Variants in TYW1B observed in about 807,000 individuals in gnomAD.
TYW1B encodes tRNA-yW synthesizing protein 1 homolog B.
In TYW1B, 73 loss-of-function variants were observed where a neutral mutation model predicts 86.9. The observed-to-expected ratio is 0.84, with a 90% CI of 0.70 to 1.02. The LOEUF is 1.02. Ranked by LOEUF, TYW1B falls within the 50% of genes least tolerant of loss-of-function variation. The pLI, the probability that TYW1B is intolerant of heterozygous loss-of-function variation, is 0.00. For missense variants in TYW1B, 637 were observed against 827.4 expected (o/e 0.77, Z 2.82); for synonymous variants, 248 against 292.8 (o/e 0.85, Z 1.56).
intron 13 of TYW1B, among the ~76,000 whole-genome samples, chr7:72,605,303 T>C (rs745736505): frequency 6.6e-6 from 1 of 152,088 alleles, no homozygotes; most frequent in Non-Finnish European, 1.5e-5. Flanking sequence ...AATGTAAATA[T>C]TCAACTGATG....
At chr7:72,617,655 C>G (rs1812109975) in intron 12 of TYW1B, among the ~76,000 whole-genome samples, 1 of 152,232 alleles carries the variant, frequency 6.6e-6, no homozygotes, top group Non-Finnish European at 1.5e-5. Flanking sequence ...GTGTGAGCCA[C>G]TACACCTGGC....
chr7:72,610,951 T>G (rs1554435802), intron 13 of TYW1B, among the ~76,000 whole-genome samples: 1 of 152,164 alleles, frequency 6.6e-6, no homozygotes, highest in Non-Finnish European at 1.5e-5. Context: ...ACATTTAGGA[T>G]GCCATTCAAT....
At chr7:72,742,310 C>T (rs1365761419) in intron 8 of TYW1B, among the ~76,000 whole-genome samples, 2 of 151,994 alleles carry the variant, frequency 1.3e-5, no homozygotes, top group Non-Finnish European at 2.9e-5. Context: ...TTGCATGTTT[C>T]GTAGAGACAA....
chr7:72,751,482 A>G (rs1193310328), intron 7 of TYW1B, among the ~76,000 whole-genome samples: 3 of 152,150 alleles, frequency 2.0e-5, no homozygotes, highest in Non-Finnish European at 4.4e-5. Context: ...GTACGTCTCA[A>G]TTTTAAAATT....
intron 11 of TYW1B, among the ~76,000 whole-genome samples, chr7:72,660,768 GT>G (rs1813309317): frequency 6.6e-6 from 1 of 152,074 alleles, no homozygotes; most frequent in African/African-American, 2.4e-5. Context: ...GCAGTAGAAG[GT>G]TCTGGATTAC....
chr7:72,703,019 TA>T (rs1814520453), intron 10 of TYW1B, among the ~76,000 whole-genome samples: 687 of 31,190 alleles, frequency 0.022, 15 homozygotes, highest in African/African-American at 0.054. Context: ...TATATATATA[TA>T]TATATATTTT....
chr7:72,611,525 G>A (rs1403400902), intron 13 of TYW1B, among the ~76,000 whole-genome samples: 8 of 151,960 alleles, frequency 5.3e-5, no homozygotes, highest in South Asian at 2.1e-4. Context: ...TCTCTCGTCT[G>A]CCACCATGTA....
At chr7:72,818,561 T>A (rs1357544193) in intron 2 of TYW1B, among the ~76,000 whole-genome samples, 1 of 101,718 alleles carries the variant, frequency 9.8e-6, no homozygotes, top group South Asian at 3.2e-4. Flanking sequence ...CCTGGGCAAC[T>A]AAGCGAGACT....
chr7:72,671,775 C>CT (rs1298204928), intron 11 of TYW1B, among the ~76,000 whole-genome samples: 1 of 150,182 alleles, frequency 6.7e-6, no homozygotes, highest in African/African-American at 2.4e-5. Context: ...CAACTTTAAA[C>CT]TTTTTTTAAA....
intron 6 of TYW1B, among the ~76,000 whole-genome samples, chr7:72,787,800 T>C (rs1187784888): frequency 1.3e-5 from 1 of 76,586 alleles, no homozygotes; most frequent in Non-Finnish European, 3.6e-5. Context: ...TAAAAAATAA[T>C]AAAATGCTCA....
chr7:72,641,677 A>G (rs1554441475), intron 11 of TYW1B, among the ~76,000 whole-genome samples: 1 of 152,190 alleles, frequency 6.6e-6, no homozygotes. Flanking sequence ...TAACTGCTTA[A>G]TGGGTACAGG....
At chr7:72,765,757 G>C (rs1787758973) in intron 7 of TYW1B, among the ~76,000 whole-genome samples, 1 of 152,088 alleles carries the variant, frequency 6.6e-6, no homozygotes, top group African/African-American at 2.4e-5. Flanking sequence ...TGACCAACTG[G>C]TACCTGGCTG....
chr7:72,653,922 A>G (rs1475558806), intron 11 of TYW1B, among the ~76,000 whole-genome samples: 1 of 151,978 alleles, frequency 6.6e-6, no homozygotes, highest in Non-Finnish European at 1.5e-5. Flanking sequence ...TCTATTAAAA[A>G]TACAAAAATT....
chr7:72,692,748 A>G (rs1814202310), intron 11 of TYW1B, among the ~76,000 whole-genome samples: 1 of 152,180 alleles, frequency 6.6e-6, no homozygotes, highest in Admixed American at 6.6e-5. Context: ...CAGGAGGTGC[A>G]CAGAATTTCT....
chr7:72,725,306 A>T (rs1786977681), intron 9 of TYW1B, among the ~76,000 whole-genome samples: 1 of 152,200 alleles, frequency 6.6e-6, no homozygotes, highest in Non-Finnish European at 1.5e-5. Context: ...TCTATTCTTC[A>T]GGGCAGAGCT....
chr7:72,777,419 G>C lies in TYW1B; in HGVS notation c.961C>G (p.Gln321Glu). ...TPALREALTK[Q>E]VDAPRERSLL... ...AACAATTCTTGAAGATTTTCACCTT[G>C]TTTAGTAAGGGCTTCTCGGAGAGCA... is the stretch of plus-strand genomic sequence containing the variant. The change falls in exon 7 of 14, where the codon CAA becomes GAA. Residue 321 changes from glutamine (Q) to glutamate (E), a missense_variant. Coordinates refer to ENST00000620995, the MANE Select transcript of TYW1B (RefSeq NM_001145440.3). 2 of 1,613,154 alleles carry C rather than the reference G, an allele frequency of 1.2e-6. No individual in the cohort carries two copies. The highest frequency in any genetic ancestry group is 1.7e-6 in the Non-Finnish European group (2 of 1,179,552).
chr7:72,664,053 C>A (rs1195031135), intron 11 of TYW1B, among the ~76,000 whole-genome samples: 2 of 152,048 alleles, frequency 1.3e-5, no homozygotes, highest in African/African-American at 2.4e-5. Context: ...CTCCCCACTT[C>A]AAACCAACAG....
At chr7:72,629,834 C>T (rs1406413800) in intron 11 of TYW1B, among the ~76,000 whole-genome samples, 4 of 152,050 alleles carry the variant, frequency 2.6e-5, no homozygotes, top group Non-Finnish European at 4.4e-5. Flanking sequence ...AGGCGCACAC[C>T]GAGCCAAGCT....
chr7:72,680,878 C>T (rs1813856820), intron 11 of TYW1B, among the ~76,000 whole-genome samples: 1 of 152,090 alleles, frequency 6.6e-6, no homozygotes. Context: ...TTAAGCTAGA[C>T]TATAGTTACA....
Sources: gnomAD v4.1 joint callset for allele counts (sites outside exome capture counted in the v4.1 genomes callset) on GRCh38, gnomAD v4.1.1 for gene constraint, MANE v1.5 for transcripts, NCBI Gene and HGNC (gene_info 2026-07-23, HGNC 2026-07-21) for gene names.